POLR2B: variants seen among roughly 807,000 people sequenced by gnomAD.
POLR2B encodes the protein RNA polymerase II subunit B.
Under a neutral mutation model 144.6 loss-of-function variants are expected in POLR2B, and 57 were observed. That is an observed-to-expected ratio of 0.39 (90% CI 0.32 to 0.49). The LOEUF (loss-of-function observed/expected upper bound fraction) is 0.49, where lower values mean the gene tolerates loss of function less well. Ranked by LOEUF, POLR2B falls within the 20% of genes least tolerant of loss-of-function variation. The pLI is 0.83. For synonymous variants in POLR2B, 442 were observed against 469.8 expected, an observed-to-expected ratio of 0.94 and a Z score of 0.77; for missense variants, 595 against 1,467.4, an observed-to-expected ratio of 0.41 and a Z score of 9.71.
At chr4:56,985,152 A>T in intron 1 of POLR2B, 1 of 185,208 alleles carries the variant, frequency 5.4e-6, no homozygotes, top group Non-Finnish European at 1.0e-5. Flanking sequence ...GAGCATCTGT[A>T]AGTGGCCTCT....
At chr4:57,024,279 T>G (rs917236396) in intron 21 of POLR2B, among the ~76,000 whole-genome samples, 167 bp downstream of exon 21, 4 of 152,240 alleles carry the variant, frequency 2.6e-5, no homozygotes, top group Non-Finnish European at 5.9e-5. Flanking sequence ...TTTGGCAATT[T>G]GCAAAGTTAT....
intron 7 of POLR2B, among the ~76,000 whole-genome samples, chr4:57,000,456 A>G (rs998669942): frequency 6.6e-6 from 1 of 152,182 alleles, no homozygotes; most frequent in African/African-American, 2.4e-5. Context: ...CAAGAATAAT[A>G]TATAAAAGTC....
Position 57,010,877 on chromosome 4 carries a change from G to T in POLR2B, c.1678G>T (p.Ala560Ser), listed in dbSNP as rs1216361751. The stretch of plus-strand genomic sequence containing the variant: ...AAATTTAGAAGAAATTTCTCCTGCA[G>T]CTATTGCTGAGTGTGTATAGATGGA... ...MENLEEISPA[A>S]IADATKIFVN... is the part of the protein sequence containing the mutation. The change falls in exon 12 of 25, where the codon GCT becomes TCT. Residue 560 changes from alanine (A) to serine (S), a missense_variant. By Grantham distance (99) the Ala-to-Ser change is moderately conservative. Coordinates refer to ENST00000314595, the MANE Select transcript of POLR2B (RefSeq NM_000938.3). 1 of 1,609,690 alleles carries T rather than the reference G, an allele frequency of 6.2e-7. No homozygotes were observed. Among genetic ancestry groups the T allele is most frequent in the Admixed American group, 1.7e-5 (1 of 59,918 alleles).
chr4:57,007,175 G>A (rs1224680411), intron 10 of POLR2B, among the ~76,000 whole-genome samples, 173 bp downstream of exon 10: 1 of 152,192 alleles, frequency 6.6e-6, no homozygotes, highest in Non-Finnish European at 1.5e-5. Flanking sequence ...TTGGGAGGCC[G>A]AGGTGGGCTG....
chr4:57,005,205 A>T, intron 7 of POLR2B, 41 bp from the exon 8 acceptor site: 1 of 1,221,284 alleles, frequency 8.2e-7, no homozygotes, highest in Non-Finnish European at 1.1e-6. Flanking sequence ...TAAGGTAGCA[A>T]CATGAATTTG....
Position 56,988,608 on chromosome 4 carries a change from A to G in POLR2B, c.93-2140A>G, listed in dbSNP as rs531900965. Among the ~76,000 whole-genome samples, 3 of 152,276 alleles carry G rather than the reference A, an allele frequency of 2.0e-5. No homozygotes were observed. The South Asian group carries it at 6.2e-4, about 32-fold the overall frequency. On this transcript the variant is annotated intron_variant, in intron 2 of 24. Transcript: ENST00000314595. ...ATTCCATTTGTATTTAAACATCTGT[A>G]TTCCCTGCCATAATATCTTTTGCCA...
chr4:57,011,361 C>G (rs1033858444), intron 13 of POLR2B, among the ~76,000 whole-genome samples: 3 of 152,224 alleles, frequency 2.0e-5, no homozygotes, highest in African/African-American at 4.8e-5. Context: ...AACCCCATCT[C>G]TACTAAAAAT....
chr4:57,021,659 TTTG>T (rs1420035490), intron 17 of POLR2B, among the ~76,000 whole-genome samples: 6 of 151,632 alleles, frequency 4.0e-5, no homozygotes, highest in Non-Finnish European at 5.9e-5. Flanking sequence ...AGAGTTTTTT[TTTG>T]TTGTTGTTTG....
At chr4:57,015,007 C>G (rs1723322113) in intron 13 of POLR2B, among the ~76,000 whole-genome samples, 1 of 152,088 alleles carries the variant, frequency 6.6e-6, no homozygotes, top group Non-Finnish European at 1.5e-5. Flanking sequence ...GTGGCTATCC[C>G]CTGTATTAGA....
chr4:57,001,179 T>C (rs980445053), intron 7 of POLR2B, among the ~76,000 whole-genome samples: 5 of 152,016 alleles, frequency 3.3e-5, no homozygotes, highest in Admixed American at 3.3e-4. Flanking sequence ...CTTGGCCTTA[T>C]TTTTTTTGGA....
intron 7 of POLR2B, 21 bp downstream of exon 7, chr4:56,999,802 A>G (rs749664697): frequency 1.3e-6 from 2 of 1,519,722 alleles, no homozygotes; most frequent in Non-Finnish European, 1.8e-6. Context: ...AGCAAAATGT[A>G]TTCACAGAGC....
chr4:57,001,433 T>A (rs962999387), intron 7 of POLR2B, among the ~76,000 whole-genome samples: 1 of 152,250 alleles, frequency 6.6e-6, no homozygotes, highest in Non-Finnish European at 1.5e-5. Context: ...AGTGCTGGGA[T>A]TACAGGCATG....
At position 57,017,407 on chromosome 4, in the gene POLR2B, A is replaced by C. The variant is rs758848452; in HGVS notation, c.2155-153A>C. Among the ~76,000 whole-genome samples, 5 of 152,198 alleles carry C rather than the reference A, an allele frequency of 3.3e-5. No homozygotes were observed. Among genetic ancestry groups the C allele is most frequent in the Non-Finnish European group, 7.3e-5 (5 of 68,046 alleles). ...ATTGCTGTTGTGTTTCATGGTTAAG[A>C]GCCGTAATTGATTATTCCAAATGGT... is the stretch of plus-strand genomic sequence containing the variant. On this transcript the variant is annotated intron_variant, in intron 15 of 24. Coordinates refer to ENST00000314595, the MANE Select transcript of POLR2B (RefSeq NM_000938.3). The surrounding 1 kb of genome is among the most constrained non-coding windows in gnomAD (Gnocchi z 4.8).
chr4:56,993,252 G>A lies in POLR2B; in HGVS notation c.244-1152G>A, dbSNP rs1476547875. Among the ~76,000 whole-genome samples the A allele has an allele frequency of 3.3e-5, 5 of 151,788 alleles. No individual in the cohort carries two copies. The East Asian group carries it at 9.7e-4, about 29-fold the overall frequency. On this transcript the variant is annotated intron_variant, in intron 3 of 24. Coordinates refer to ENST00000314595, the MANE Select transcript of POLR2B (RefSeq NM_000938.3). ...CAGGAGGTGGAGGCTGCAGTGAGCC[G>A]AGATCACGCCACTGCACTCCATCCT...
Position 57,014,995 on chromosome 4 carries a change from A to G in POLR2B, c.1801-507A>G, listed in dbSNP as rs189907019. ...CGCCACGTTTCAAGTGCTCAGTCAC[A>G]TGTGGCTATCCCCTGTATTAGATAG... is the stretch of plus-strand genomic sequence containing the variant. On this transcript the variant is annotated intron_variant, in intron 13 of 24. Transcript: ENST00000314595. 3.8e-3 allele frequency among the ~76,000 whole-genome samples: 574 copies of G among 152,282 alleles called. 4 individuals carry two copies. Among genetic ancestry groups the G allele is most frequent in the Admixed American group, 6.3e-3 (97 of 15,278 alleles).
chr4:57,027,135 A>C (rs888101749), intron 23 of POLR2B, among the ~76,000 whole-genome samples: 16 of 152,014 alleles, frequency 1.1e-4, no homozygotes, highest in African/African-American at 2.7e-4. Flanking sequence ...CGGCCTCCCA[A>C]GTAGCTGGGA....
Position 57,023,386 on chromosome 4 carries a change from G to A in POLR2B, c.2572G>A (p.Val858Ile), listed in dbSNP as rs773554877. ...LDDDGLIAPG[V>I]RVSGDDVIIG... ...TGATGATGGTTTGATAGCTCCAGGG[G>A]TTCGTGTATCAGGAGATGATGTTAT... Residue 858 changes from valine (V) to isoleucine (I), a missense_variant, in exon 19 of 25, where the codon GTT becomes ATT. Around this residue, in one of 9 missense-constraint regions of POLR2B, gnomAD observed 75 missense variants for 100.0 expected, o/e 0.75. Transcript: ENST00000314595. This position sits in a 1 kb window ranked among gnomAD's most constrained non-coding sequence, Gnocchi z 4.3. 7 of 1,613,720 alleles carry A rather than the reference G, an allele frequency of 4.3e-6. No individual in the cohort carries two copies. The highest frequency in any genetic ancestry group is 2.5e-6 in the Non-Finnish European group (3 of 1,179,762).
At chr4:57,009,455 A>T (rs945760227) in intron 10 of POLR2B, 3 of 152,200 alleles carry the variant, frequency 2.0e-5, no homozygotes, top group Admixed American at 6.6e-5. Flanking sequence ...TACCTGTTTA[A>T]TTTTTAAGTG....
intron 6 of POLR2B, among the ~76,000 whole-genome samples, chr4:56,995,836 G>A (rs1003686968): frequency 2.6e-5 from 4 of 152,240 alleles, no homozygotes; most frequent in African/African-American, 9.6e-5. Context: ...CAGCATAGCA[G>A]CTTGCTTCTT....
Sources: allele counts gnomAD v4.1 joint callset (sites outside exome capture counted in the v4.1 genomes callset), GRCh38; gene constraint gnomAD v4.1.1; regional missense constraint gnomAD v4.1.1; non-coding constraint Gnocchi (gnomAD v3.1); transcripts MANE v1.5; gene names NCBI Gene and HGNC (gene_info 2026-07-23, HGNC 2026-07-21).